Variants in SYNE1 observed in about 807,000 individuals in gnomAD.
SYNE1 encodes spectrin repeat containing nuclear envelope protein 1, also known as nesprin-1.
SYNE1 carries 616 observed loss-of-function variants against 1,111.0 expected under a neutral mutation model. That is an observed-to-expected ratio of 0.55 (90% CI 0.52 to 0.59). The LOEUF is 0.59. SYNE1 is among the 20% of genes least tolerant of loss of function. The pLI is 0.00. For missense variants in SYNE1, 10,006 were observed against 10,417.0 expected (o/e 0.96, Z 1.72); for synonymous variants, 3,855 against 3,825.8 (o/e 1.01, Z -0.28).
intron 3 of SYNE1, among the ~76,000 whole-genome samples, chr6:152,601,317 A>ATGCCT: frequency 6.6e-6 from 1 of 152,350 alleles, no homozygotes; most frequent in Non-Finnish European, 1.5e-5. Flanking sequence ...AGACCTGGCT[A>ATGCCT]GGCATAGGGT....
chr6:152,389,910 G>T (rs9479307), intron 53 of SYNE1, among the ~76,000 whole-genome samples: 22,502 of 152,158 alleles, frequency 0.15, 1,812 homozygotes, highest in East Asian at 0.35. Flanking sequence ...AAGCTCAACA[G>T]CTGCCAATAG....
chr6:152,442,310 A>G lies in SYNE1; in HGVS notation c.3838-65T>C. On this transcript the variant is annotated intron_variant, in intron 30 of 145. Coordinates refer to ENST00000367255, the MANE Select transcript of SYNE1 (RefSeq NM_182961.4). ...CTCTAAACAGCTAAGTAGGGACATCAACACCCACGCTTAACAGAAGTACAG... is the reference window on the plus strand; with the variant it reads ...CTCTAAACAGCTAAGTAGGGACATCGACACCCACGCTTAACAGAAGTACAG... 6.3e-6 allele frequency: 10 copies of G among 1,589,276 alleles called. No individual in the cohort carries two copies. The South Asian group carries it at 9.9e-5, about 16-fold the overall frequency.
chr6:152,320,450 TTC>T (rs1235379769), intron 84 of SYNE1, among the ~76,000 whole-genome samples: 3 of 152,170 alleles, frequency 2.0e-5, no homozygotes, highest in African/African-American at 7.2e-5. Context: ...GTAGTATGTC[TTC>T]TCTTTGTCTC....
chr6:152,232,267 T>C lies in SYNE1; in HGVS notation c.20713-2A>G. The C allele has an allele frequency of 5.0e-6, 8 of 1,613,906 alleles. No individual in the cohort carries two copies. Among genetic ancestry groups the C allele is most frequent in the Non-Finnish European group, 6.8e-6 (8 of 1,179,894 alleles). ...GGAAGGCAGTTTATCCATCTGGAGC[T>C]GTCCAAGTCAGGGAGAGAACCAGTC... On this transcript the variant is annotated splice_acceptor_variant, in intron 112 of 145. Transcript: ENST00000367255. LOFTEE classifies it high-confidence loss of function.
intron 107 of SYNE1, among the ~76,000 whole-genome samples, chr6:152,241,757 T>C (rs2085767789): frequency 1.3e-5 from 2 of 152,142 alleles, no homozygotes; most frequent in Admixed American, 1.3e-4. Context: ...ATCTGAGTAG[T>C]CAGCTCTGCA....
At chr6:152,380,611 A>G (rs1385736279) in intron 56 of SYNE1, 1 of 277,142 alleles carries the variant, frequency 3.6e-6, no homozygotes, top group Non-Finnish European at 7.0e-6. Context: ...TTTTAAGGCT[A>G]TAAATTCAAT....
chr6:152,577,511 T>A (rs2099501937), intron 3 of SYNE1, among the ~76,000 whole-genome samples: 1 of 152,068 alleles, frequency 6.6e-6, no homozygotes, highest in South Asian at 2.1e-4. Flanking sequence ...CGGGCGCCTG[T>A]AGTCGCAGCT....
In SYNE1 at chr6:152,300,875, T is replaced by C. The variant is rs574681725; in HGVS notation, c.17542-94A>G. ...GCACAGGCCAAAACAGAGTTAATTA[T>C]AAAACGAAGGTTAAAATTACTGGGA... On this transcript the variant is annotated intron_variant, in intron 92 of 145. Transcript: ENST00000367255. 13 of 1,580,540 alleles carry C rather than the reference T, an allele frequency of 8.2e-6. No homozygotes were observed. In the East Asian group the frequency reaches 1.1e-4, roughly 14 times the overall value.
At chr6:152,483,026 A>G (rs954140092) in intron 14 of SYNE1, 59 bp downstream of exon 14, 29 of 1,600,158 alleles carry the variant, frequency 1.8e-5, no homozygotes, top group Middle Eastern at 1.7e-4. Context: ...TAACTAGGCT[A>G]CCTCTCCAGA....
intron 11 of SYNE1, among the ~76,000 whole-genome samples, chr6:152,496,998 C>T (rs774091859): frequency 8.6e-5 from 13 of 151,994 alleles, no homozygotes; most frequent in Non-Finnish European, 1.9e-4. Context: ...AGAAAAAACC[C>T]CTTTGACTGT....
chr6:152,167,695 T>C (rs748570228), intron 130 of SYNE1: 2 of 494,758 alleles, frequency 4.0e-6, no homozygotes, highest in Non-Finnish European at 8.3e-6. Context: ...AGGAAAGCTT[T>C]CAACTACAAA....
intron 3 of SYNE1, among the ~76,000 whole-genome samples, chr6:152,614,995 G>T (rs1181094567): frequency 1.3e-5 from 2 of 152,122 alleles, no homozygotes; most frequent in African/African-American, 4.8e-5. Context: ...TGTGGGGGCT[G>T]GAGGAGGGAT....
chr6:152,472,305 C>T lies in SYNE1; in HGVS notation c.1459G>A (p.Glu487Lys), dbSNP rs771764001. The T allele has an allele frequency of 1.7e-5, 28 of 1,611,974 alleles. No individual in the cohort carries two copies. Among genetic ancestry groups the T allele is most frequent in the Middle Eastern group, 1.6e-4 (1 of 6,080 alleles). ...VPPDQLEDMAERFHFVSSTSE... is the reference protein window; with the variant it reads ...VPPDQLEDMAKRFHFVSSTSE... ...TAAATGCAGATATTCTCTTACCTCT[C>T]GGCCATGTCCTCTAATTGATCAGGT... Residue 487 changes from glutamate to lysine, a missense_variant, in exon 15 of 146, where the codon GAG becomes AAG. By Grantham distance (56) the Glu-to-Lys change is moderately conservative. Transcript: ENST00000367255.
At chr6:152,579,629 C>A (rs1252743882) in intron 3 of SYNE1, among the ~76,000 whole-genome samples, 1 of 152,072 alleles carries the variant, frequency 6.6e-6, no homozygotes, top group African/African-American at 2.4e-5. Context: ...AGGTAATGAG[C>A]GTAGTACTCA....
At chr6:152,255,136 G>GC in intron 103 of SYNE1, 47 bp from the exon 104 acceptor site, 1 of 1,443,150 alleles carries the variant, frequency 6.9e-7, no homozygotes, top group Non-Finnish European at 9.5e-7. Flanking sequence ...TACATGAATT[G>GC]ATATGCAAAT....
chr6:152,163,548 G>T (rs1424085797), intron 131 of SYNE1, among the ~76,000 whole-genome samples: 1 of 151,266 alleles, frequency 6.6e-6, no homozygotes, highest in African/African-American at 2.4e-5. Flanking sequence ...GGAATGGGAG[G>T]TGAAAATTTC....
In SYNE1 at chr6:152,224,746, A is replaced by C. The variant is rs889416240; in HGVS notation, c.21352-82T>G. 49 of 1,344,244 alleles carry C rather than the reference A, an allele frequency of 3.6e-5. 1 individual carries two copies. The highest frequency in any genetic ancestry group is 4.9e-5 in the Non-Finnish European group (46 of 948,356). The allele number at this position is 1,344,244 out of a possible 1,614,324, so 83.3% of individuals were successfully genotyped here. On this transcript the variant is annotated intron_variant, in intron 116 of 145. Transcript: ENST00000367255. ...TATATTCAATTGATGGGAAAATATT[A>C]ACATCTAAGAACTTCATCAGGGTTT...
At chr6:152,485,766 A>G (rs1037203583) in intron 12 of SYNE1, among the ~76,000 whole-genome samples, 24 of 152,252 alleles carry the variant, frequency 1.6e-4, no homozygotes, top group African/African-American at 5.3e-4. Context: ...AAGTTAGCAG[A>G]TAACACAACT....
At chr6:152,218,175 G>C (rs1292352725) in intron 121 of SYNE1, 82 bp downstream of exon 121, 2 of 1,517,664 alleles carry the variant, frequency 1.3e-6, no homozygotes, top group African/African-American at 2.7e-5. Context: ...TTGGGCGACA[G>C]AGTGAGACTC....
Sources: allele counts gnomAD v4.1 joint callset (sites outside exome capture counted in the v4.1 genomes callset), GRCh38; gene constraint gnomAD v4.1.1; transcripts MANE v1.5; gene names NCBI Gene and HGNC (gene_info 2026-07-23, HGNC 2026-07-21).